Variants in SPATA17 observed in about 807,000 individuals in gnomAD.
SPATA17 encodes spermatogenesis associated 17.
In SPATA17, 53 loss-of-function variants were observed where a neutral mutation model predicts 62.2. The observed-to-expected ratio is 0.85, with a 90% CI of 0.68 to 1.07. The LOEUF is 1.07. SPATA17 is among the 50% of genes least tolerant of loss of function. The pLI is 0.00. For missense variants in SPATA17, 466 were observed against 425.5 expected (o/e 1.10, Z -0.84); for synonymous variants, 146 against 146.8 (o/e 0.99, Z 0.04).
rs191402290 is a variant in SPATA17 at position 217,643,703 on chromosome 1, A to T, written c.69-5179A>T. On this transcript the variant is annotated intron_variant, in intron 1 of 10. Transcript: ENST00000366933. ...TGAGGAGGAAGAGGAAGAAAAAGAA[A>T]CTCTCTCTCTCTATATATATATATA... Among the ~76,000 whole-genome samples the T allele has an allele frequency of 3.9e-3, 577 of 147,512 alleles. 5 individuals are homozygous for T. The highest frequency in any genetic ancestry group is 0.014 in the African/African-American group (540 of 39,864).
At chr1:217,811,220 G>A (rs1421312265) in intron 9 of SPATA17, among the ~76,000 whole-genome samples, 5 of 151,852 alleles carry the variant, frequency 3.3e-5, no homozygotes, top group African/African-American at 1.2e-4. Context: ...TTTTTGTAGA[G>A]ATGGGGTTTA....
chr1:217,771,502 T>C (rs1340154356), intron 6 of SPATA17, among the ~76,000 whole-genome samples: 1 of 152,170 alleles, frequency 6.6e-6, no homozygotes, highest in African/African-American at 2.4e-5. Flanking sequence ...AAGGTTGTTG[T>C]ATTTATTTAA....
At chr1:217,654,472 A>G (rs1670392935) in intron 3 of SPATA17, among the ~76,000 whole-genome samples, 1 of 152,106 alleles carries the variant, frequency 6.6e-6, no homozygotes, top group African/African-American at 2.4e-5. Flanking sequence ...CATTCAGGCC[A>G]CTTTAAAAAA....
chr1:217,845,103 T>C (rs1409451394), intron 9 of SPATA17, among the ~76,000 whole-genome samples: 5 of 152,118 alleles, frequency 3.3e-5, no homozygotes, highest in African/African-American at 7.2e-5. Context: ...TATTCTTTAG[T>C]CTTTGACTCT....
At chr1:217,673,848 C>A (rs1930300) in intron 4 of SPATA17, among the ~76,000 whole-genome samples, 38,448 of 151,916 alleles carry the variant, frequency 0.25, 5,379 homozygotes, top group African/African-American at 0.36. Flanking sequence ...AGTAGAGGTT[C>A]GTGGAATTGT....
At chr1:217,719,931 C>A (rs1672086235) in intron 5 of SPATA17, among the ~76,000 whole-genome samples, 1 of 152,196 alleles carries the variant, frequency 6.6e-6, no homozygotes, top group Non-Finnish European at 1.5e-5. Context: ...GAGCAGAAAA[C>A]TGCCCATGGT....
chr1:217,637,522 G>A (rs1232110261), intron 1 of SPATA17, among the ~76,000 whole-genome samples: 5 of 152,038 alleles, frequency 3.3e-5, no homozygotes, highest in Non-Finnish European at 7.4e-5. Context: ...AGCAACCTGA[G>A]GTATAATGTT....
chr1:217,634,534 C>G (rs536187200), intron 1 of SPATA17, among the ~76,000 whole-genome samples: 2 of 152,112 alleles, frequency 1.3e-5, no homozygotes, highest in African/African-American at 4.8e-5. Flanking sequence ...TAGCACTGAT[C>G]TTAGGTTTTA....
intron 6 of SPATA17, among the ~76,000 whole-genome samples, chr1:217,757,619 C>G (rs1287351322): frequency 6.6e-6 from 1 of 152,092 alleles, no homozygotes; most frequent in Non-Finnish European, 1.5e-5. Context: ...GTACTTCCCA[C>G]TAACTAGATT....
chr1:217,685,966 A>T (rs7537954), intron 5 of SPATA17, among the ~76,000 whole-genome samples: 47,405 of 152,014 alleles, frequency 0.31, 8,363 homozygotes, highest in Non-Finnish European at 0.41. Context: ...CTAATCTCTT[A>T]CTGTGCCTAA....
intron 4 of SPATA17, among the ~76,000 whole-genome samples, chr1:217,676,742 G>GCTC (rs1670954455): frequency 6.6e-6 from 1 of 152,072 alleles, no homozygotes; most frequent in Non-Finnish European, 1.5e-5. Flanking sequence ...TCACATGAAT[G>GCTC]CAAATTTCAA....
intron 9 of SPATA17, chr1:217,850,286 T>C (rs1675617845): frequency 8.0e-6 from 3 of 376,520 alleles, no homozygotes; most frequent in Admixed American, 7.7e-5. Context: ...TTTATTAACA[T>C]TTTGAACAGG....
At chr1:217,818,825 T>C (rs952376243) in intron 9 of SPATA17, among the ~76,000 whole-genome samples, 1 of 151,502 alleles carries the variant, frequency 6.6e-6, no homozygotes. Flanking sequence ...AATCTTTCTT[T>C]GCCTATCTTC....
chr1:217,803,744 A>C (rs1046149830), intron 9 of SPATA17, among the ~76,000 whole-genome samples: 1 of 152,128 alleles, frequency 6.6e-6, no homozygotes, highest in Non-Finnish European at 1.5e-5. Flanking sequence ...TTGGCCAGGC[A>C]GGGTGGCTCA....
At chr1:217,640,572 G>C (rs1428688091) in intron 1 of SPATA17, among the ~76,000 whole-genome samples, 1 of 151,966 alleles carries the variant, frequency 6.6e-6, no homozygotes, top group Non-Finnish European at 1.5e-5. Context: ...GTGTGTAAGA[G>C]TATTTTATAT....
At chr1:217,756,789 G>C (rs1673054184) in intron 6 of SPATA17, among the ~76,000 whole-genome samples, 1 of 152,294 alleles carries the variant, frequency 6.6e-6, no homozygotes, top group African/African-American at 2.4e-5. Context: ...ACAATGAAGA[G>C]AGGAATAAGT....
chr1:217,791,365 G>T (rs1191179150), intron 8 of SPATA17, among the ~76,000 whole-genome samples: 1 of 152,088 alleles, frequency 6.6e-6, no homozygotes, highest in African/African-American at 2.4e-5. Context: ...TTTTTCTAAT[G>T]AAGTTCTGGT....
chr1:217,720,705 A>G (rs761409654), intron 5 of SPATA17, among the ~76,000 whole-genome samples: 3 of 152,226 alleles, frequency 2.0e-5, no homozygotes, highest in Non-Finnish European at 2.9e-5. Context: ...AACATACAGG[A>G]TTATAATTTG....
At chr1:217,707,409 C>A (rs1207006529) in intron 5 of SPATA17, among the ~76,000 whole-genome samples, 1 of 152,114 alleles carries the variant, frequency 6.6e-6, no homozygotes, top group Non-Finnish European at 1.5e-5. Context: ...TATTTGGATG[C>A]CTTTCATTTC....
Sources: allele counts gnomAD v4.1 joint callset (sites outside exome capture counted in the v4.1 genomes callset), GRCh38; gene constraint gnomAD v4.1.1; transcripts MANE v1.5; gene names NCBI Gene and HGNC (gene_info 2026-07-23, HGNC 2026-07-21).